The following NLGN1 variants were observed in gnomAD, a reference collection of about 807,000 sequenced individuals.
NLGN1 encodes the protein neuroligin-1.
NLGN1 carries 12 observed loss-of-function variants against 65.5 expected under a neutral mutation model. That is an observed-to-expected ratio of 0.18 (90% CI 0.12 to 0.30). The LOEUF (loss-of-function observed/expected upper bound fraction) is 0.30, where lower values mean the gene tolerates loss of function less well. Among genes scored for constraint, NLGN1 ranks in the 10% least tolerant of loss-of-function variants. The pLI is 1.00. For missense variants in NLGN1, 750 were observed against 1,007.1 expected, an observed-to-expected ratio of 0.74 and a Z score of 3.46; for synonymous variants, 350 against 359.5, an observed-to-expected ratio of 0.97 and a Z score of 0.30.
intron 4 of NLGN1, among the ~76,000 whole-genome samples, chr3:174,145,805 T>C (rs1234721987): frequency 6.6e-6 from 1 of 152,238 alleles, no homozygotes; most frequent in Non-Finnish European, 1.5e-5. Context: ...ATTTTAAAAG[T>C]TGTTTAAATC....
At chr3:173,763,787 GA>G (rs748505454) in intron 3 of NLGN1, among the ~76,000 whole-genome samples, 6 of 151,376 alleles carry the variant, frequency 4.0e-5, no homozygotes, top group African/African-American at 4.8e-5. Context: ...TAAAGAGGAG[GA>G]AAAAAAAGTA....
chr3:173,511,129 T>A (rs1196199229), intron 2 of NLGN1, among the ~76,000 whole-genome samples: 3 of 152,172 alleles, frequency 2.0e-5, no homozygotes, highest in Non-Finnish European at 4.4e-5. Context: ...TCTCATTTAG[T>A]ATTGAAGAGA....
chr3:174,048,352 A>C (rs1473570149), intron 4 of NLGN1, among the ~76,000 whole-genome samples: 3 of 152,050 alleles, frequency 2.0e-5, no homozygotes, highest in Non-Finnish European at 1.5e-5. Context: ...AATTAGACTG[A>C]TTGGATGATT....
At chr3:174,039,512 G>A (rs760351357) in intron 4 of NLGN1, among the ~76,000 whole-genome samples, 1 of 152,058 alleles carries the variant, frequency 6.6e-6, no homozygotes, top group South Asian at 2.1e-4. Context: ...AACTATCCAA[G>A]ATGTCTAGGT....
intron 4 of NLGN1, among the ~76,000 whole-genome samples, chr3:173,963,101 C>G (rs1464581892): frequency 6.6e-6 from 1 of 151,948 alleles, no homozygotes; most frequent in Non-Finnish European, 1.5e-5. Context: ...GTGTTCCAGG[C>G]CTTTAAAATG....
chr3:173,784,319 C>T (rs951622764), intron 3 of NLGN1, among the ~76,000 whole-genome samples: 1 of 152,106 alleles, frequency 6.6e-6, no homozygotes, highest in Non-Finnish European at 1.5e-5. Context: ...TGTATTCTGT[C>T]TGGAAGCCAC....
At chr3:173,921,745 CCTT>C (rs1235769214) in intron 4 of NLGN1, among the ~76,000 whole-genome samples, 1 of 152,096 alleles carries the variant, frequency 6.6e-6, no homozygotes, top group African/African-American at 2.4e-5. Flanking sequence ...TCAGGATGTT[CCTT>C]CTTCTACGTA....
At chr3:174,043,836 G>A (rs1209578815) in intron 4 of NLGN1, among the ~76,000 whole-genome samples, 2 of 152,200 alleles carry the variant, frequency 1.3e-5, no homozygotes, top group Non-Finnish European at 2.9e-5. Flanking sequence ...GGGACGCTGT[G>A]TGGAGTCTTT....
At chr3:173,868,898 G>C (rs1560526407) in intron 4 of NLGN1, among the ~76,000 whole-genome samples, 1 of 152,100 alleles carries the variant, frequency 6.6e-6, no homozygotes, top group East Asian at 1.9e-4. Flanking sequence ...AACAGAGAGA[G>C]AGACAGACAG....
chr3:173,627,906 T>G (rs1755064905), intron 3 of NLGN1, among the ~76,000 whole-genome samples: 1 of 152,178 alleles, frequency 6.6e-6, no homozygotes, highest in African/African-American at 2.4e-5. Flanking sequence ...GTGTATTATC[T>G]GAATTCTTTT....
chr3:173,448,854 G>A (rs1720906199), intron 2 of NLGN1, among the ~76,000 whole-genome samples: 1 of 152,154 alleles, frequency 6.6e-6, no homozygotes. Context: ...TTGTGTATAG[G>A]TGTTTATAGT....
At position 173,985,966 on chromosome 3, in the gene NLGN1, T is replaced by A. The variant is rs575769766; in HGVS notation, c.646+178134T>A. 1.2e-3 allele frequency among the ~76,000 whole-genome samples: 177 copies of A among 150,702 alleles called. 1 individual carries two copies. Among genetic ancestry groups the A allele is most frequent in the African/African-American group, 4.2e-3 (172 of 41,036 alleles). ...CTCCATCTCAAAAACAAAAACAATT[T>A]AAAAAAAAGAAAGAAACTATTAAGA... On this transcript the variant is annotated intron_variant, in intron 4 of 6. Transcript: ENST00000457714.
chr3:174,266,329 T>C (rs1367346025), intron 4 of NLGN1, among the ~76,000 whole-genome samples: 1 of 152,148 alleles, frequency 6.6e-6, no homozygotes, highest in African/African-American at 2.4e-5. Context: ...TGCTCTTGTG[T>C]TAATTTGCGT....
chr3:173,766,331 T>G (rs1426185559), intron 3 of NLGN1, among the ~76,000 whole-genome samples: 1 of 152,014 alleles, frequency 6.6e-6, no homozygotes, highest in Non-Finnish European at 1.5e-5. Flanking sequence ...TCAAGTGATC[T>G]GCCCACCTAC....
rs189480086 is a variant in NLGN1, at chr3:173,626,542, A to C, written c.493+21451A>C. 1.4e-3 allele frequency among the ~76,000 whole-genome samples: 206 copies of C among 152,258 alleles called. 2 individuals carry two copies. Among genetic ancestry groups the C allele is most frequent in the African/African-American group, 4.7e-3 (196 of 41,586 alleles). On this transcript the variant is annotated intron_variant, in intron 3 of 6. Coordinates refer to ENST00000457714, the Ensembl canonical transcript of NLGN1. The stretch of plus-strand genomic sequence containing the variant: ...AAAATTAAAGCAAAATTCCTTTAGA[A>C]TAGTCTGTTACATCAAGGGCTATTT...
chr3:174,099,365 T>C (rs1711872012), intron 4 of NLGN1, among the ~76,000 whole-genome samples: 1 of 152,196 alleles, frequency 6.6e-6, no homozygotes, highest in Non-Finnish European at 1.5e-5. Flanking sequence ...ATGCATATGC[T>C]AATTCACAGT....
intron 4 of NLGN1, among the ~76,000 whole-genome samples, chr3:173,975,441 C>G (rs1717217624): frequency 6.6e-6 from 1 of 151,894 alleles, no homozygotes; most frequent in African/African-American, 2.4e-5. Flanking sequence ...CAGTTTGGTG[C>G]TGTGCAAACC....
At chr3:173,843,487 G>A (rs6780546) in intron 4 of NLGN1, among the ~76,000 whole-genome samples, 1 of 152,108 alleles carries the variant, frequency 6.6e-6, no homozygotes, top group Non-Finnish European at 1.5e-5. Flanking sequence ...GCCTTTAATA[G>A]CACCTAAGTC....
intron 3 of NLGN1, among the ~76,000 whole-genome samples, chr3:173,754,247 C>G (rs568216502): frequency 2.6e-5 from 4 of 151,856 alleles, no homozygotes; most frequent in East Asian, 3.9e-4. Context: ...GGGGTTTCAC[C>G]ATTTTGTCCA....
Sources: allele counts gnomAD v4.1 joint callset (sites outside exome capture counted in the v4.1 genomes callset), GRCh38; gene constraint gnomAD v4.1.1; transcripts MANE v1.5; gene names NCBI Gene and HGNC (gene_info 2026-07-23, HGNC 2026-07-21).